Variants in HMGXB3 observed in about 807,000 individuals in gnomAD.
The protein encoded by HMGXB3 is HMG domain-containing protein 3.
HMGXB3 carries 45 observed loss-of-function variants against 121.5 expected under a neutral mutation model. The observed-to-expected ratio is 0.37, with a 90% CI of 0.29 to 0.47. The LOEUF is 0.47. Among genes scored for constraint, HMGXB3 ranks in the 20% least tolerant of loss-of-function variants. The pLI is 0.99. For synonymous variants in HMGXB3, 590 were observed against 624.1 expected (o/e 0.95, Z 0.81); for missense variants, 1,376 against 1,602.2 (o/e 0.86, Z 2.41).
rs1303130721 is a variant in HMGXB3, at chr5:150,051,975, C to T, written c.3662C>T (p.Ala1221Val). The T allele has an allele frequency of 6.4e-7, 1 of 1,552,288 alleles. No individual in the cohort carries two copies. Among genetic ancestry groups the T allele is most frequent in the Admixed American group, 2.0e-5 (1 of 51,016 alleles). ...KPNGVRQRPI[A>V]FDNATHYYLY... is the part of the protein sequence containing the mutation. ...AACGGTGTCCGCCAGCGGCCCATTGCCTTCGACAATGCCACTCACTATTAC... is the reference window on the plus strand; with the variant it reads ...AACGGTGTCCGCCAGCGGCCCATTGTCTTCGACAATGCCACTCACTATTAC... The change falls in exon 20 of 20, where the codon GCC becomes GTC. Residue 1221 changes from alanine to valine, a missense_variant. Transcript: ENST00000502717.
rs528702394 is a variant in HMGXB3 at position 150,019,022 on chromosome 5, C to T, written c.1041+325C>T. Among the ~76,000 whole-genome samples, 191 of 150,850 alleles carry T rather than the reference C, an allele frequency of 1.3e-3. 1 individual carries two copies. The highest frequency in any genetic ancestry group is 2.0e-3 in the Non-Finnish European group (136 of 67,752). ...TTTTTTTTTCCAGTAGAGATGGGGT[C>T]TTCCTTTGTTGCTCTGGCCTCAAAC... On this transcript the variant is annotated intron_variant, in intron 6 of 19. Transcript: ENST00000502717.
chr5:150,012,569 C>T (rs1755867831), intron 5 of HMGXB3, among the ~76,000 whole-genome samples: 2 of 152,178 alleles, frequency 1.3e-5, no homozygotes, highest in Admixed American at 6.5e-5. Flanking sequence ...AGATAGATCT[C>T]CATGGGATCC....
intron 13 of HMGXB3, among the ~76,000 whole-genome samples, chr5:150,037,978 T>C (rs748679515): frequency 6.6e-6 from 1 of 152,208 alleles, no homozygotes; most frequent in African/African-American, 2.4e-5. Context: ...AACTTAGGGG[T>C]ACATTGTGGG....
chr5:150,024,490 C>T lies in HMGXB3; in HGVS notation c.1270C>T (p.His424Tyr). 6.4e-7 allele frequency: 1 copy of T among 1,551,678 alleles called. No individual in the cohort carries two copies. The highest frequency in any genetic ancestry group is 8.7e-7 in the Non-Finnish European group (1 of 1,146,994). ...GGAGGAAGTGATCATCTCCGATGCC[C>T]ATGTTTTGGTTAAGGAAGCTCCCGG... ...EWEEVIISDA[H>Y]VLVKEAPGNC... Residue 424 changes from histidine (H) to tyrosine (Y), a missense_variant, in exon 7 of 20, where the codon CAT (histidine) becomes TAT (tyrosine). His to Tyr is a moderately conservative substitution (Grantham distance 83). Around this residue, in one of 2 missense-constraint regions of HMGXB3, gnomAD observed 1,116 missense variants for 1,369.0 expected, o/e 0.82. Transcript: ENST00000502717.
Position 150,026,723 on chromosome 5 carries a change from C to A in HMGXB3, c.1478C>A (p.Pro493His). 1 of 1,551,142 alleles carries A rather than the reference C, an allele frequency of 6.4e-7. No homozygotes were observed. Residue 493 changes from proline (P) to histidine (H), a missense_variant, in exon 8 of 20, where the codon CCT (proline) becomes CAT (histidine). Around this residue, in one of 2 missense-constraint regions of HMGXB3, gnomAD observed 1,116 missense variants for 1,369.0 expected, o/e 0.82. Transcript: ENST00000502717. Reference protein sequence around the residue: ...KKPTGADLLTPGSRAPELKGR... With the variant: ...KKPTGADLLTHGSRAPELKGR... Reference sequence around the variant, plus strand: ...CTTTTCAGAGCTGACCTGCTTACCCCTGGGTCCAGAGCTCCAGAGCTTAAA... The same window carrying A: ...CTTTTCAGAGCTGACCTGCTTACCCATGGGTCCAGAGCTCCAGAGCTTAAA...
At position 150,006,472 on chromosome 5, in the gene HMGXB3, G is replaced by C; in HGVS notation, c.138-1G>C. The C allele has an allele frequency of 2.6e-6, 4 of 1,550,108 alleles. No individual in the cohort carries two copies. Among genetic ancestry groups the C allele is most frequent in the Non-Finnish European group, 3.5e-6 (4 of 1,146,218 alleles). On this transcript the variant is annotated splice_acceptor_variant, in intron 2 of 19. Transcript: ENST00000502717. LOFTEE classifies it high-confidence loss of function. ...GCCTGAAGAAGTCATTGCTTCCTCAGGTCTGCTTACCTTCTGTACTATTAC... is the reference window on the plus strand; with the variant it reads ...GCCTGAAGAAGTCATTGCTTCCTCACGTCTGCTTACCTTCTGTACTATTAC...
intron 19 of HMGXB3, among the ~76,000 whole-genome samples, 190 bp from the exon 20 acceptor site, chr5:150,051,535 C>T (rs1756895287): frequency 6.6e-6 from 1 of 152,168 alleles, no homozygotes; most frequent in Admixed American, 6.5e-5. Flanking sequence ...GGAAGGTGGC[C>T]ACTGTTACTG....
chr5:150,012,117 T>C lies in HMGXB3; in HGVS notation c.811-138T>C. 2 of 622,752 alleles carry C rather than the reference T, an allele frequency of 3.2e-6. 1 individual carries two copies. Among genetic ancestry groups the C allele is most frequent in the South Asian group, 3.8e-5 (2 of 52,020 alleles). The allele number at this position is 622,752 out of a possible 1,614,324, so 38.6% of individuals were successfully genotyped here. On this transcript the variant is annotated intron_variant, in intron 4 of 19. Coordinates refer to ENST00000502717, the MANE Select transcript of HMGXB3 (RefSeq NM_014983.3). ...TTAAACTTTTTGAGATAATCATAAA[T>C]TCATTCCTTTTGATAAGCACATTGG...
chr5:150,050,507 T>C (rs970812284), intron 19 of HMGXB3, 46 bp downstream of exon 19: 3 of 1,398,332 alleles, frequency 2.1e-6, no homozygotes, highest in Non-Finnish European at 3.0e-6. Context: ...AAGCCTACCA[T>C]GTCTTGCTCT....
intron 15 of HMGXB3, among the ~76,000 whole-genome samples, chr5:150,044,803 C>T (rs1452087570): frequency 7.2e-5 from 11 of 152,124 alleles, no homozygotes; most frequent in South Asian, 6.2e-4. Context: ...ATCCGGGTCA[C>T]GTTTTGAGAG....
chr5:150,011,577 G>GTTGT (rs1474798449), intron 4 of HMGXB3, among the ~76,000 whole-genome samples: 9 of 148,654 alleles, frequency 6.1e-5, no homozygotes, highest in African/African-American at 2.3e-4. Flanking sequence ...CTAGCCGGTT[G>GTTGT]TTGTTGTTGT....
Position 150,024,630 on chromosome 5 carries a change from C to G in HMGXB3, c.1410C>G (p.Ser470=), listed in dbSNP as rs61743767. 2 of 1,551,612 alleles carry G rather than the reference C, an allele frequency of 1.3e-6. No individual in the cohort carries two copies. ...CTGGAGCAGACGTACCAACACCATC[C>G]GAGGGGACAAGTACCTCCAGTCCAC... ...DSPGADVPTP[S]EGTSTSSPLP... The change falls in exon 7 of 20, where the codon TCC becomes TCG. Residue 470 remains serine, a synonymous_variant. Coordinates refer to ENST00000502717, the MANE Select transcript of HMGXB3 (RefSeq NM_014983.3).
At chr5:150,018,520 C>T (rs1581251515) in intron 5 of HMGXB3, 46 bp from the exon 6 acceptor site, 2 of 1,469,134 alleles carry the variant, frequency 1.4e-6, no homozygotes, top group East Asian at 5.3e-5. Flanking sequence ...GGTCATCAGT[C>T]TGAGAGAGGT....
intron 11 of HMGXB3, among the ~76,000 whole-genome samples, chr5:150,034,138 C>T (rs966376401): frequency 6.6e-6 from 1 of 152,142 alleles, no homozygotes; most frequent in Non-Finnish European, 1.5e-5. Context: ...AAAATGGGTC[C>T]GTAGCTTTCA....
intron 5 of HMGXB3, among the ~76,000 whole-genome samples, chr5:150,013,531 T>C (rs1353911671): frequency 1.3e-5 from 2 of 152,236 alleles, no homozygotes; most frequent in Non-Finnish European, 2.9e-5. Context: ...CTCTGTCCAC[T>C]TTTCATATCA....
Position 150,052,001 on chromosome 5 carries a change from C to G in HMGXB3, c.3688C>G (p.Leu1230Val), listed in dbSNP as rs1756919304. The change falls in exon 20 of 20, where the codon CTC becomes GTC. Residue 1230 changes from leucine to valine, a missense_variant. Leu to Val is a conservative substitution (Grantham distance 32). Around this residue, in one of 2 missense-constraint regions of HMGXB3, gnomAD observed 260 missense variants for 233.2 expected, o/e 1.11. Coordinates refer to ENST00000502717, the MANE Select transcript of HMGXB3 (RefSeq NM_014983.3). Reference protein sequence around the residue: ...IAFDNATHYYLYNRLMDFLTS... With the variant: ...IAFDNATHYYVYNRLMDFLTS... ...CTTCGACAATGCCACTCACTATTACCTCTACAACCGCCTCATGGACTTCCT... is the reference window on the plus strand; with the variant it reads ...CTTCGACAATGCCACTCACTATTACGTCTACAACCGCCTCATGGACTTCCT... 6.4e-7 allele frequency: 1 copy of G among 1,552,072 alleles called. No individual in the cohort carries two copies. The highest frequency in any genetic ancestry group is 1.4e-5 in the African/African-American group (1 of 73,178).
chr5:150,016,592 A>G (rs920170724), intron 5 of HMGXB3, among the ~76,000 whole-genome samples: 3 of 152,196 alleles, frequency 2.0e-5, no homozygotes, highest in African/African-American at 4.8e-5. Context: ...TTACATCAAG[A>G]AATCTATTTT....
chr5:150,004,308 A>C (rs17110778), intron 1 of HMGXB3, among the ~76,000 whole-genome samples: 38,727 of 152,054 alleles, frequency 0.25, 8,111 homozygotes, highest in African/African-American at 0.57. Flanking sequence ...AAAAGACCTG[A>C]CCAAAATTGC....
intron 19 of HMGXB3, among the ~76,000 whole-genome samples, chr5:150,051,056 C>T (rs1756875729): frequency 6.6e-6 from 1 of 152,214 alleles, no homozygotes; most frequent in Non-Finnish European, 1.5e-5. Flanking sequence ...TTAGAAAACA[C>T]TCATCTTATC....
Sources: gnomAD v4.1 joint callset for allele counts (sites outside exome capture counted in the v4.1 genomes callset) on GRCh38, gnomAD v4.1.1 for gene constraint, gnomAD v4.1.1 regional missense constraint, MANE v1.5 for transcripts, NCBI Gene and HGNC (gene_info 2026-07-23, HGNC 2026-07-21) for gene names.